Variants in NTRK2 observed in about 807,000 individuals in gnomAD.
NTRK2 encodes the protein BDNF/NT-3 growth factors receptor.
Under a neutral mutation model 94.5 loss-of-function variants are expected in NTRK2, and 13 were observed. That is an observed-to-expected ratio of 0.14 (90% CI 0.09 to 0.22). NTRK2 has a LOEUF of 0.22. Among genes scored for constraint, NTRK2 ranks in the 10% least tolerant of loss-of-function variants. NTRK2 has a pLI of 1.00. For missense variants in NTRK2, 639 were observed against 1,071.2 expected (o/e 0.60, Z 5.63); for synonymous variants, 372 against 407.4 (o/e 0.91, Z 1.05).
At chr9:84,724,551 GT>G (rs1225464635) in intron 8 of NTRK2, among the ~76,000 whole-genome samples, 195 bp downstream of exon 8, 2 of 152,162 alleles carry the variant, frequency 1.3e-5, no homozygotes, top group African/African-American at 4.8e-5. Flanking sequence ...GCTCATGCAT[GT>G]TTTTTCTTTT....
At position 84,836,934 on chromosome 9, in the gene NTRK2, GTATAATATAATATAATATAA is replaced by G. The variant is rs56390905; in HGVS notation, c.1397-24073_1397-24054del. ...TAATAGATTGAGAGCTTGTCGTAGA[GTATAATATAATATAATATAA>G]TATAATATAATATAATATAATATAA... On this transcript the variant is annotated intron_variant, in intron 12 of 18. Coordinates refer to ENST00000277120, the MANE Select transcript of NTRK2 (RefSeq NM_006180.6). Among the ~76,000 whole-genome samples the G allele has an allele frequency of 7.2e-3, 968 of 134,194 alleles. 12 individuals carry two copies. Among genetic ancestry groups the G allele is most frequent in the South Asian group, 0.031 (116 of 3,792 alleles). The allele number at this position is 134,194 out of a possible 152,430, so 88.0% of individuals were successfully genotyped here. A position where few individuals can be genotyped will look rare whatever the true frequency, so the allele number is the denominator to read the frequency against.
rs551621283 is a variant in NTRK2, at chr9:84,951,027, G to C, written c.1937+2393G>C. On this transcript the variant is annotated intron_variant, in intron 16 of 18. Coordinates refer to ENST00000277120, the MANE Select transcript of NTRK2 (RefSeq NM_006180.6). ...GGAAGACTCAGACACTGCAGTTTAAGTAATCAGTCAATCACTGCGAGAACA... is the reference window on the plus strand; with the variant it reads ...GGAAGACTCAGACACTGCAGTTTAACTAATCAGTCAATCACTGCGAGAACA... 1.1e-4 allele frequency among the ~76,000 whole-genome samples: 16 copies of C among 152,328 alleles called. No individual in the cohort carries two copies. The South Asian group carries it at 3.1e-3, about 30-fold the overall frequency.
At chr9:84,692,480 T>C (rs1188958864) in intron 2 of NTRK2, among the ~76,000 whole-genome samples, 2 of 140,730 alleles carry the variant, frequency 1.4e-5, no homozygotes, top group Admixed American at 7.0e-5. Context: ...TTTTTTTTTT[T>C]TTTTTTTTGA....
chr9:84,837,974 G>A (rs1407041458), intron 12 of NTRK2, among the ~76,000 whole-genome samples: 1 of 152,126 alleles, frequency 6.6e-6, no homozygotes, highest in African/African-American at 2.4e-5. Context: ...CATAAGACAT[G>A]AAATGGTTAT....
intron 12 of NTRK2, among the ~76,000 whole-genome samples, chr9:84,816,732 T>C (rs2072435101): frequency 7.0e-6 from 1 of 142,818 alleles, no homozygotes; most frequent in Admixed American, 7.7e-5. Flanking sequence ...TGAGCCAAGG[T>C]TGCGCCATTG....
intron 14 of NTRK2, among the ~76,000 whole-genome samples, chr9:84,889,702 T>A (rs992717688): frequency 5.9e-5 from 9 of 152,242 alleles, no homozygotes; most frequent in African/African-American, 9.6e-5. Flanking sequence ...CATAAGCCAC[T>A]GTGCCCGGCC....
At position 84,670,647 on chromosome 9, in the gene NTRK2, T is replaced by G; in HGVS notation, c.-102T>G. 1 of 1,173,836 alleles carries G rather than the reference T, an allele frequency of 8.5e-7. No individual in the cohort carries two copies. Among genetic ancestry groups the G allele is most frequent in the Non-Finnish European group, 1.3e-6 (1 of 794,844 alleles). 72.7% of individuals were successfully genotyped at this position (1,173,836 alleles called of 1,614,324 possible). On this transcript the variant is annotated 5_prime_UTR_variant, in exon 2 of 19. Coordinates refer to ENST00000277120, the MANE Select transcript of NTRK2 (RefSeq NM_006180.6). ...CACGCCCGCAACAAGCACCGAGGAG[T>G]TAAGAGAGCCGCAAGCGCAGGGAAG...
At chr9:84,678,663 A>G (rs147966933) in intron 2 of NTRK2, among the ~76,000 whole-genome samples, 1 of 152,262 alleles carries the variant, frequency 6.6e-6, no homozygotes, top group Non-Finnish European at 1.5e-5. Flanking sequence ...TTGACATCAT[A>G]GCCCCTAGAT....
At chr9:84,959,925 G>A (rs1219279685) in intron 17 of NTRK2, among the ~76,000 whole-genome samples, 1 of 152,192 alleles carries the variant, frequency 6.6e-6, no homozygotes, top group Non-Finnish European at 1.5e-5. Flanking sequence ...TGCTTAAAAT[G>A]TATGTGATCT....
chr9:84,983,365 A>T (rs1276801391), intron 17 of NTRK2, among the ~76,000 whole-genome samples: 1 of 152,200 alleles, frequency 6.6e-6, no homozygotes, highest in Non-Finnish European at 1.5e-5. Flanking sequence ...CTTGGAAATC[A>T]TCTTGAAGGA....
intron 17 of NTRK2, among the ~76,000 whole-genome samples, chr9:85,011,496 C>T (rs1021869588): frequency 7.9e-5 from 12 of 152,072 alleles, no homozygotes; most frequent in South Asian, 2.1e-4. Context: ...GTCCCGGATC[C>T]GATAAGATTA....
At chr9:84,837,949 A>T (rs1461828850) in intron 12 of NTRK2, among the ~76,000 whole-genome samples, 1 of 152,200 alleles carries the variant, frequency 6.6e-6, no homozygotes. Context: ...ACATCCTGGA[A>T]GTTCTGGCTA....
At chr9:84,859,026 T>C (rs2075203707) in intron 12 of NTRK2, among the ~76,000 whole-genome samples, 3 of 152,194 alleles carry the variant, frequency 2.0e-5, no homozygotes. Flanking sequence ...AAAGGTTGGC[T>C]GAGGACCAAG....
In NTRK2 at chr9:84,870,329, G is replaced by GTGTATGTATA. The variant is rs1554757556; in HGVS notation, c.1633+2903_1633+2904insGTATATGTAT. ...ATATACATATATGTGGGGTGTGTGT[G>GTGTATGTATA]TGTATATATATATATATATATATAT... On this transcript the variant is annotated intron_variant, in intron 14 of 18. Coordinates refer to ENST00000277120, the MANE Select transcript of NTRK2 (RefSeq NM_006180.6). 7.3e-4 allele frequency among the ~76,000 whole-genome samples: 15 copies of GTGTATGTATA among 20,570 alleles called. 1 individual carries two copies. Among genetic ancestry groups the GTGTATGTATA allele is most frequent in the African/African-American group, 1.7e-3 (14 of 8,134 alleles). 13.5% of individuals were successfully genotyped at this position (20,570 alleles called of 152,430 possible). A position where few individuals can be genotyped will look rare whatever the true frequency, so the allele number is the denominator to read the frequency against.
chr9:84,734,516 TC>T (rs1277588984), intron 9 of NTRK2, among the ~76,000 whole-genome samples: 1 of 152,236 alleles, frequency 6.6e-6, no homozygotes, highest in African/African-American at 2.4e-5. Context: ...TTTGGCTATG[TC>T]CCCACACAAA....
At chr9:84,820,691 GA>G (rs1341218228) in intron 12 of NTRK2, among the ~76,000 whole-genome samples, 1 of 152,128 alleles carries the variant, frequency 6.6e-6, no homozygotes, top group African/African-American at 2.4e-5. Context: ...TGTATAAGCG[GA>G]CCTAAGCAGT....
intron 10 of NTRK2, among the ~76,000 whole-genome samples, chr9:84,744,486 A>G (rs2063896465): frequency 6.6e-6 from 1 of 152,040 alleles, no homozygotes; most frequent in South Asian, 2.1e-4. Flanking sequence ...AGTGTTGCTC[A>G]TTTCAAATCT....
At chr9:84,694,072 T>G (rs898872619) in intron 2 of NTRK2, among the ~76,000 whole-genome samples, 1 of 152,188 alleles carries the variant, frequency 6.6e-6, no homozygotes, top group African/African-American at 2.4e-5. Flanking sequence ...CTCTAGAAAT[T>G]ATTTATCGTG....
At chr9:84,999,541 A>T (rs1830117822) in intron 17 of NTRK2, among the ~76,000 whole-genome samples, 1 of 152,214 alleles carries the variant, frequency 6.6e-6, no homozygotes, top group Non-Finnish European at 1.5e-5. Flanking sequence ...ACAGCCTTGT[A>T]ATCCTCTTTG....
Sources: allele counts gnomAD v4.1 joint callset (sites outside exome capture counted in the v4.1 genomes callset), GRCh38; gene constraint gnomAD v4.1.1; transcripts MANE v1.5; gene names NCBI Gene and HGNC (gene_info 2026-07-23, HGNC 2026-07-21).